The following ANGEL1 variants were observed in gnomAD, a reference collection of about 807,000 sequenced individuals.
The protein encoded by ANGEL1 is RNA 2',3'-cyclic phosphatase ANGEL1.
ANGEL1 carries 62 observed loss-of-function variants against 76.4 expected under a neutral mutation model. That is an observed-to-expected ratio of 0.81 (90% confidence interval 0.66 to 1.00). ANGEL1 has a LOEUF of 1.00. Among genes scored for constraint, ANGEL1 ranks in the 50% least tolerant of loss-of-function variants. The probability of loss-of-function intolerance (pLI) is 0.00; values close to 1 mark genes in which losing one functional copy is unlikely to be tolerated. For synonymous variants in ANGEL1, 340 were observed against 331.7 expected, an observed-to-expected ratio of 1.03 and a Z score of -0.27; for missense variants, 737 against 836.7, an observed-to-expected ratio of 0.88 and a Z score of 1.47.
At chr14:76,811,019 G>C (rs1364908083) in intron 1 of ANGEL1, among the ~76,000 whole-genome samples, 1 of 152,158 alleles carries the variant, frequency 6.6e-6, no homozygotes, top group Non-Finnish European at 1.5e-5. Flanking sequence ...CTTGTTTGGG[G>C]TCTATGTATA....
Position 76,812,819 on chromosome 14 carries a change from C to T in ANGEL1, c.9G>A (p.Ala3=), listed in dbSNP as rs181186517. ...GCAGCAGCAGGTAACACAAGCACGA[C>T]GCGATCATGGCCGGCCGCCCGCGCC... The part of the protein sequence containing the change: MI[A]SCLCYLLLPA... The change falls in exon 1 of 10, where the codon GCG becomes GCA. Residue 3 remains alanine, a synonymous_variant. Transcript: ENST00000251089. 6.6e-6 allele frequency: 10 copies of T among 1,516,646 alleles called. No homozygotes were observed. The highest frequency in any genetic ancestry group is 1.4e-5 in the African/African-American group (1 of 69,978). The allele number at this position is 1,516,646 out of a possible 1,614,324, so 93.9% of individuals were successfully genotyped here. A position where few individuals can be genotyped will look rare whatever the true frequency, so the allele number is the denominator to read the frequency against.
At chr14:76,812,663 A>G in intron 1 of ANGEL1, 101 bp downstream of exon 1, 2 of 1,379,296 alleles carry the variant, frequency 1.5e-6, no homozygotes, top group Non-Finnish European at 1.9e-6. Context: ...GGGGCACGGT[A>G]GTCGTGAGGC....
rs1383468828 is a variant in ANGEL1 at position 76,789,159 on chromosome 14, G to A, written c.*69C>T. On this transcript the variant is annotated 3_prime_UTR_variant, in exon 10 of 10. Coordinates refer to ENST00000251089, the MANE Select transcript of ANGEL1 (RefSeq NM_015305.4). ...TTGGATCTAAGTTTCTAGATGCATG[G>A]GATTTTTCCACAGTCTCTGATCCAG... 6.4e-6 allele frequency: 10 copies of A among 1,564,904 alleles called. No individual in the cohort carries two copies. The highest frequency in any genetic ancestry group is 8.7e-6 in the Non-Finnish European group (10 of 1,153,272).
chr14:76,811,834 T>C (rs1895096355), intron 1 of ANGEL1, among the ~76,000 whole-genome samples: 1 of 152,224 alleles, frequency 6.6e-6, no homozygotes, highest in Non-Finnish European at 1.5e-5. Context: ...TAATGGCAGA[T>C]ACACAGTAAA....
chr14:76,794,099 A>G (rs1006681965), intron 7 of ANGEL1, among the ~76,000 whole-genome samples: 1 of 152,194 alleles, frequency 6.6e-6, no homozygotes, highest in Admixed American at 6.5e-5. Flanking sequence ...CCAGAAATCC[A>G]TACATCTATG....
chr14:76,796,430 A>G (rs1894580648), intron 7 of ANGEL1, among the ~76,000 whole-genome samples: 1 of 149,510 alleles, frequency 6.7e-6, no homozygotes, highest in African/African-American at 2.5e-5. Flanking sequence ...CTATTTTTCC[A>G]TTTTGTGTAG....
rs1448305816 is a variant in ANGEL1, at chr14:76,803,874, C to T, written c.1419G>A (p.Gln473=). ...GCCACAGTGGGGCCTGCAGCTTCCT[C>T]TGGTAAAGCTGATGGGAGAAGTCTT... ...GQEDFSHQLY[Q]RKLQAPLWPS... The change falls in exon 6 of 10, where the codon CAG becomes CAA. Residue 473 remains glutamine (Q), a synonymous_variant. Coordinates refer to ENST00000251089, the MANE Select transcript of ANGEL1 (RefSeq NM_015305.4). The T allele has an allele frequency of 1.2e-6, 2 of 1,614,098 alleles. No homozygotes were observed. The highest frequency in any genetic ancestry group is 2.2e-5 in the East Asian group (1 of 44,880).
rs755400606 is a variant in ANGEL1, at chr14:76,809,285, C to T, written c.423G>A (p.Gly141=). The T allele has an allele frequency of 3.1e-6, 5 of 1,613,900 alleles. No individual in the cohort carries two copies. The Admixed American group carries it at 6.7e-5, about 22-fold the overall frequency. The change falls in exon 2 of 10, where the codon GGG becomes GGA. Residue 141 remains glycine, a synonymous_variant. Coordinates refer to ENST00000251089, the MANE Select transcript of ANGEL1 (RefSeq NM_015305.4). ...TAGCTGCCCACATGGAGCCCTCCAC[C>T]CCCTCCACCTCCAGCAGTGGCTCCT... ...LGEEPLLEVE[G]VEGSMWAAIP... is the part of the protein sequence containing the mutation.
chr14:76,790,796 C>T lies in ANGEL1; in HGVS notation c.1689-22G>A, dbSNP rs1024677194. On this transcript the variant is annotated intron_variant, in intron 8 of 9. Coordinates refer to ENST00000251089, the MANE Select transcript of ANGEL1 (RefSeq NM_015305.4). Reference sequence around the variant, plus strand: ...AGTCCTACAGGGATGAAGGGGGAAACATTAGTTAACAAAAATTACTAAATT... The same window carrying T: ...AGTCCTACAGGGATGAAGGGGGAAATATTAGTTAACAAAAATTACTAAATT... 6 of 1,544,622 alleles carry T rather than the reference C, an allele frequency of 3.9e-6. No homozygotes were observed. In the African/African-American group the frequency reaches 8.3e-5, roughly 21 times the overall value.
At position 76,809,210 on chromosome 14, in the gene ANGEL1, C is replaced by G; in HGVS notation, c.498G>C (p.Val166=). ...PQYADCAALP[V]GALATEQWEE... is the part of the protein sequence containing the mutation. ...CCCACTGCTCTGTGGCCAGGGCACC[C>G]ACTGGGAGGGCAGCACAGTCTGCAT... The change falls in exon 2 of 10, where the codon GTG becomes GTC. Residue 166 remains valine (V), a synonymous_variant. Transcript: ENST00000251089. 2 of 1,613,360 alleles carry G rather than the reference C, an allele frequency of 1.2e-6. No individual in the cohort carries two copies. Among genetic ancestry groups the G allele is most frequent in the East Asian group, 4.5e-5 (2 of 44,860 alleles).
intron 5 of ANGEL1, among the ~76,000 whole-genome samples, 153 bp downstream of exon 5, chr14:76,806,263 G>C (rs566664222): frequency 1.2e-4 from 18 of 152,300 alleles, no homozygotes; most frequent in African/African-American, 4.1e-4. Context: ...TAACTTCCAG[G>C]CTTGGGTACA....
At chr14:76,802,830 T>C (rs10431725) in intron 7 of ANGEL1, among the ~76,000 whole-genome samples, 15,999 of 152,286 alleles carry the variant, frequency 0.11, 1,269 homozygotes, top group African/African-American at 0.22. Flanking sequence ...GCATTCCTTC[T>C]GTGTTGTGGT....
intron 7 of ANGEL1, among the ~76,000 whole-genome samples, chr14:76,795,764 T>G (rs768330115): frequency 4.6e-5 from 7 of 152,316 alleles, no homozygotes; most frequent in Admixed American, 2.6e-4. Flanking sequence ...CCATTTCTTT[T>G]GCACTTAGTT....
intron 7 of ANGEL1, among the ~76,000 whole-genome samples, chr14:76,802,191 A>G (rs1894787576): frequency 6.6e-6 from 1 of 152,128 alleles, no homozygotes; most frequent in Non-Finnish European, 1.5e-5. Flanking sequence ...AAAATAAAAT[A>G]AAAAATAAAG....
chr14:76,789,713 T>A (rs1476645121), intron 9 of ANGEL1, among the ~76,000 whole-genome samples: 1 of 150,022 alleles, frequency 6.7e-6, no homozygotes. Context: ...TTTTTTTTTT[T>A]AGATGGAGTC....
In ANGEL1 at chr14:76,803,492, G is replaced by A. The variant is rs369257615; in HGVS notation, c.1508-11C>T. The A allele has an allele frequency of 5.6e-6, 9 of 1,613,138 alleles. No homozygotes were observed. In the African/African-American group the frequency reaches 1.1e-4, roughly 19 times the overall value. ...CATACTTGCGTCTCTCTGTAAACCA[G>A]GAAAAGACATATAGTGAAAGAAAGA... On this transcript the variant is annotated splice_polypyrimidine_tract_variant and intron_variant, in intron 6 of 9. Transcript: ENST00000251089.
At chr14:76,799,443 G>A (rs552736218) in intron 7 of ANGEL1, among the ~76,000 whole-genome samples, 3 of 151,712 alleles carry the variant, frequency 2.0e-5, no homozygotes, top group South Asian at 2.1e-4. Context: ...ACAGGCGCCC[G>A]CCACCACACC....
At chr14:76,791,171 A>G (rs1227957191) in intron 8 of ANGEL1, 126 bp downstream of exon 8, 12 of 1,043,782 alleles carry the variant, frequency 1.1e-5, no homozygotes, top group Non-Finnish European at 1.8e-5. Context: ...TTTAGCAGAT[A>G]TTAGGGGAAA....
chr14:76,807,271 T>C (rs1295377397), intron 4 of ANGEL1, among the ~76,000 whole-genome samples, 162 bp downstream of exon 4: 1 of 152,204 alleles, frequency 6.6e-6, no homozygotes, highest in Non-Finnish European at 1.5e-5. Flanking sequence ...AGAATTGCTA[T>C]AAAACTGCAG....
Sources: allele counts gnomAD v4.1 joint callset (sites outside exome capture counted in the v4.1 genomes callset), GRCh38; gene constraint gnomAD v4.1.1; transcripts MANE v1.5; gene names NCBI Gene and HGNC (gene_info 2026-07-23, HGNC 2026-07-21).